EIF5B: variants seen among roughly 807,000 people sequenced by gnomAD.
EIF5B encodes the protein eIF-5B.
Under a neutral mutation model 147.5 loss-of-function variants are expected in EIF5B, and 47 were observed. The observed-to-expected ratio is 0.32, with a 90% CI of 0.25 to 0.41. The LOEUF (loss-of-function observed/expected upper bound fraction) is 0.41, where lower values mean the gene tolerates loss of function less well. EIF5B is among the 10% of genes least tolerant of loss of function. The pLI, the probability that EIF5B is intolerant of heterozygous loss-of-function variation, is 1.00. For missense variants in EIF5B, 1,064 were observed against 1,413.2 expected, an observed-to-expected ratio of 0.75 and a Z score of 3.96; for synonymous variants, 455 against 456.2, an observed-to-expected ratio of 1.00 and a Z score of 0.03.
intron 1 of EIF5B, among the ~76,000 whole-genome samples, chr2:99,341,787 A>G (rs1240802312): frequency 6.6e-6 from 1 of 152,240 alleles, no homozygotes; most frequent in Non-Finnish European, 1.5e-5. Flanking sequence ...TTAAATAACC[A>G]TATTTTCAAA....
chr2:99,374,746 T>A (rs572830827), intron 9 of EIF5B, among the ~76,000 whole-genome samples: 2 of 152,312 alleles, frequency 1.3e-5, no homozygotes, highest in South Asian at 2.1e-4. Flanking sequence ...ATAGGCTTTT[T>A]AAAAATATAT....
rs1675060876 is a variant in EIF5B, at chr2:99,396,891, G to A, written c.3386G>A (p.Ser1129Asn). 2.5e-6 allele frequency: 4 copies of A among 1,596,532 alleles called. No homozygotes were observed. Among genetic ancestry groups the A allele is most frequent in the Admixed American group, 3.7e-5 (2 of 54,214 alleles). ...VKQGTPMCVP[S>N]KNFVDIGIVT... The stretch of plus-strand genomic sequence containing the variant: ...CAGGGGACACCCATGTGTGTCCCAA[G>A]CAAAAATGTAAGTTCTAGTTGTACA... Residue 1129 changes from serine to asparagine, a missense_variant, in exon 22 of 24, where the codon AGC becomes AAC. Transcript: ENST00000289371.
chr2:99,341,946 A>G (rs1474135685), intron 1 of EIF5B, among the ~76,000 whole-genome samples: 2 of 152,220 alleles, frequency 1.3e-5, no homozygotes, highest in Non-Finnish European at 2.9e-5. Context: ...TTGTGAGAAA[A>G]TGAGAATGAA....
chr2:99,337,584 A>T lies in EIF5B; in HGVS notation c.30A>T (p.Glu10Asp). Residue 10 changes from glutamate to aspartate, a missense_variant, in exon 1 of 24, where the codon GAA becomes GAT. Coordinates refer to ENST00000289371, the MANE Select transcript of EIF5B (RefSeq NM_015904.4). MGKKQKNKS[E>D]DSTKDDIDLD... ...GGAAGAAACAGAAAAACAAGAGCGA[A>T]GACAGGTAGATAGGGGTTGGGTCCG... 1 of 1,612,876 alleles carries T rather than the reference A, an allele frequency of 6.2e-7. No homozygotes were observed. Among genetic ancestry groups the T allele is most frequent in the Non-Finnish European group, 8.5e-7 (1 of 1,179,528 alleles).
At chr2:99,386,776 C>A (rs1381897647) in intron 14 of EIF5B, among the ~76,000 whole-genome samples, 3 of 152,164 alleles carry the variant, frequency 2.0e-5, no homozygotes. Context: ...AAACTCCTGG[C>A]CTCAAGTGAT....
chr2:99,339,514 T>G (rs948980163), intron 1 of EIF5B, among the ~76,000 whole-genome samples: 6 of 152,150 alleles, frequency 3.9e-5, no homozygotes, highest in Admixed American at 1.3e-4. Context: ...GTTCTTTAGA[T>G]TAAAATTACA....
chr2:99,367,594 A>AAT (rs987289363), intron 6 of EIF5B, among the ~76,000 whole-genome samples: 8 of 151,604 alleles, frequency 5.3e-5, no homozygotes, highest in East Asian at 1.9e-4. Flanking sequence ...CCACCACCAC[A>AAT]ATATATATAT....
rs752288202 is a variant in EIF5B at position 99,389,755 on chromosome 2, C to A, written c.2309C>A (p.Ser770Tyr). The A allele has an allele frequency of 1.9e-6, 3 of 1,612,612 alleles. No individual in the cohort carries two copies. The highest frequency in any genetic ancestry group is 1.7e-5 in the Admixed American group (1 of 59,822). The change falls in exon 15 of 24, where the codon TCT becomes TAT. Residue 770 changes from serine to tyrosine, a missense_variant. Physicochemically the swap from Ser to Tyr is moderately radical, Grantham distance 144. Around this residue, in one of 4 missense-constraint regions of EIF5B, gnomAD observed 380 missense variants for 715.6 expected, o/e 0.53. Coordinates refer to ENST00000289371, the MANE Select transcript of EIF5B (RefSeq NM_015904.4). ...RLYDWKKSPD[S>Y]DVAATLKKQK... is the part of the protein sequence containing the mutation. ...TATGATTGGAAAAAGAGTCCTGACT[C>A]TGATGTGGCTGCTACTTTAAAGAAG...
chr2:99,396,859 G>T lies in EIF5B; in HGVS notation c.3354G>T (p.Gln1118His), dbSNP rs747975042. Residue 1118 changes from glutamine to histidine, a missense_variant, in exon 22 of 24, where the codon CAG becomes CAT. This residue lies in a region of EIF5B where 380 missense variants were observed against 715.6 expected (regional missense o/e 0.53). Transcript: ENST00000289371. ...IVMGVTVEAG[Q>H]VKQGTPMCVP... ...TGGGGGTGACGGTGGAAGCAGGTCA[G>T]GTGAAACAGGGGACACCCATGTGTG... The T allele has an allele frequency of 6.2e-7, 1 of 1,612,304 alleles. No homozygotes were observed. Among genetic ancestry groups the T allele is most frequent in the Non-Finnish European group, 8.5e-7 (1 of 1,179,644 alleles).
intron 12 of EIF5B, 135 bp from the exon 13 acceptor site, chr2:99,382,024 T>C: frequency 1.6e-6 from 1 of 621,294 alleles, no homozygotes; most frequent in Non-Finnish European, 2.8e-6. Flanking sequence ...GCTGGTTAAC[T>C]CACTGTTTCT....
chr2:99,346,589 CTTTTTTT>C lies in EIF5B; in HGVS notation c.35+9021_35+9027del, dbSNP rs773411395. On this transcript the variant is annotated intron_variant, in intron 1 of 23. Transcript: ENST00000289371. The stretch of plus-strand genomic sequence containing the variant: ...TTATTTTAGAACATAAGTTGTATCT[CTTTTTTT>C]TTTTTTTTTTTTTTTTTTTTGAGAA... Among the ~76,000 whole-genome samples, 64 of 61,662 alleles carry C rather than the reference CTTTTTTT, an allele frequency of 1.0e-3. 1 individual carries two copies. The highest frequency in any genetic ancestry group is 1.5e-3 in the Non-Finnish European group (54 of 36,414). The allele number at this position is 61,662 out of a possible 152,430, so 40.5% of individuals were successfully genotyped here. A position where few individuals can be genotyped will look rare whatever the true frequency, so the allele number is the denominator to read the frequency against.
intron 14 of EIF5B, 88 bp downstream of exon 14, chr2:99,383,009 C>A: frequency 1.5e-6 from 2 of 1,363,166 alleles, no homozygotes; most frequent in Non-Finnish European, 2.0e-6. Context: ...AACTTACAAG[C>A]ATAGCTCATT....
At position 99,376,441 on chromosome 2, in the gene EIF5B, A is replaced by G. The variant is rs1004507982; in HGVS notation, c.1647A>G (p.Glu549=). The G allele has an allele frequency of 8.1e-5, 129 of 1,585,770 alleles. No individual in the cohort carries two copies. The Middle Eastern group carries it at 1.3e-3, about 16-fold the overall frequency. The part of the protein sequence containing the change: ...EEEEEDEESE[E]EEEEEGESEG... The stretch of plus-strand genomic sequence containing the variant: ...AAGAAGAAGATGAAGAAAGTGAAGA[A>G]GAGGAGGAAGAGGAGGGAGAAAGTG... The change falls in exon 10 of 24, where the codon GAA becomes GAG. Residue 549 remains glutamate (E), a synonymous_variant. Transcript: ENST00000289371.
At chr2:99,381,760 T>G (rs1180415281) in intron 12 of EIF5B, among the ~76,000 whole-genome samples, 1 of 152,116 alleles carries the variant, frequency 6.6e-6, no homozygotes, top group Non-Finnish European at 1.5e-5. Flanking sequence ...TGGGATATAT[T>G]TGAAGTCAGA....
Position 99,379,062 on chromosome 2 carries a change from T to A in EIF5B, c.1886T>A (p.Leu629Gln). The change falls in exon 11 of 24, where the codon CTA (leucine) becomes CAA (glutamine). Residue 629 changes from leucine to glutamine, a missense_variant. Physicochemically the swap from Leu to Gln is moderately radical, Grantham distance 113 (BLOSUM62 -2). Coordinates refer to ENST00000289371, the MANE Select transcript of EIF5B (RefSeq NM_015904.4). ...EHSKNVNTEK[L>Q]RAPIICVLGH... ...AGTAAAAATGTAAACACCGAAAAGC[T>A]AAGAGCCCCTATTATCTGCGTACTT... The A allele has an allele frequency of 6.3e-7, 1 of 1,599,998 alleles. No homozygotes were observed. The highest frequency in any genetic ancestry group is 8.5e-7 in the Non-Finnish European group (1 of 1,174,690).
chr2:99,379,252 CTTA>C (rs1157486765), intron 11 of EIF5B, 63 bp from the exon 12 acceptor site: 32 of 1,481,408 alleles, frequency 2.2e-5, no homozygotes, highest in Non-Finnish European at 2.9e-5. Flanking sequence ...TTGCTAATTT[CTTA>C]TTATTTTTGC....
At chr2:99,371,290 A>C (rs372713147) in intron 8 of EIF5B, among the ~76,000 whole-genome samples, 118 of 152,126 alleles carry the variant, frequency 7.8e-4, no homozygotes, top group East Asian at 3.3e-3. Context: ...AGATCGAGAC[A>C]ATCCTGGCTA....
chr2:99,358,097 A>G (rs577890201), intron 1 of EIF5B, among the ~76,000 whole-genome samples: 2 of 152,192 alleles, frequency 1.3e-5, no homozygotes, highest in African/African-American at 4.8e-5. Context: ...ATATATATAT[A>G]TACAGGGTTT....
intron 1 of EIF5B, among the ~76,000 whole-genome samples, chr2:99,358,085 TTA>T (rs555235857): frequency 1.3e-5 from 2 of 151,242 alleles, no homozygotes; most frequent in African/African-American, 2.4e-5. Flanking sequence ...TAAAATGCTT[TTA>T]TATATATATA....
Sources: allele counts gnomAD v4.1 joint callset (sites outside exome capture counted in the v4.1 genomes callset), GRCh38; gene constraint gnomAD v4.1.1; regional missense constraint gnomAD v4.1.1; transcripts MANE v1.5; gene names NCBI Gene and HGNC (gene_info 2026-07-23, HGNC 2026-07-21).